ZFYVE28: variants seen among roughly 807,000 people sequenced by gnomAD.
ZFYVE28 encodes zinc finger FYVE-type containing 28.
Under a neutral mutation model 82.1 loss-of-function variants are expected in ZFYVE28, and 40 were observed. That is an observed-to-expected ratio of 0.49 (90% CI 0.38 to 0.63). The LOEUF (loss-of-function observed/expected upper bound fraction) is 0.63. ZFYVE28 is among the 30% of genes least tolerant of loss of function. The pLI is 0.00. For synonymous variants in ZFYVE28, 612 were observed against 546.1 expected (o/e 1.12, Z -1.68); for missense variants, 1,321 against 1,242.1 (o/e 1.06, Z -0.96).
chr4:2,344,606 A>G (rs192300537), intron 2 of ZFYVE28, among the ~76,000 whole-genome samples: 1 of 152,338 alleles, frequency 6.6e-6, no homozygotes, highest in East Asian at 1.9e-4. Context: ...TTAAAAAATT[A>G]CCAAGTTTGG....
chr4:2,400,605 A>C (rs960358497), intron 1 of ZFYVE28, among the ~76,000 whole-genome samples: 2 of 152,156 alleles, frequency 1.3e-5, no homozygotes, highest in African/African-American at 2.4e-5. Context: ...CACAATCACA[A>C]GGTCCCACAA....
chr4:2,386,402 G>A (rs530905311), intron 1 of ZFYVE28, among the ~76,000 whole-genome samples: 40 of 152,278 alleles, frequency 2.6e-4, no homozygotes, highest in East Asian at 9.7e-4. Context: ...GGAGAATGGC[G>A]TCAACAAAGG....
intron 1 of ZFYVE28, among the ~76,000 whole-genome samples, chr4:2,369,768 A>G (rs1380395358): frequency 6.6e-6 from 1 of 151,856 alleles, no homozygotes; most frequent in Non-Finnish European, 1.5e-5. Flanking sequence ...AGAGCCCCCA[A>G]AAGAAACCAG....
Position 2,339,687 on chromosome 4 carries a change from C to T in ZFYVE28, c.319-32G>A, listed in dbSNP as rs1223093671. Reference sequence around the variant, plus strand: ...GAGGGGACACACTCAGGGAGGGGCCCGGGTGAGGGCCAGGCTCTCAGGGGT... The same window carrying T: ...GAGGGGACACACTCAGGGAGGGGCCTGGGTGAGGGCCAGGCTCTCAGGGGT... On this transcript the variant is annotated intron_variant, in intron 3 of 12. Transcript: ENST00000290974. The surrounding 1 kb of genome is among the most constrained non-coding windows in gnomAD (Gnocchi z 5.0). 11 of 1,555,734 alleles carry T rather than the reference C, an allele frequency of 7.1e-6. No individual in the cohort carries two copies. Among genetic ancestry groups the T allele is most frequent in the East Asian group, 2.4e-5 (1 of 42,424 alleles).
rs35312512 is a variant in ZFYVE28 at position 2,403,971 on chromosome 4, GA to G, written c.39+14313del. Among the ~76,000 whole-genome samples the G allele has an allele frequency of 2.9e-4, 38 of 129,012 alleles. 2 individuals are homozygous for G. The highest frequency in any genetic ancestry group is 1.6e-3 in the South Asian group (6 of 3,840). The allele number at this position is 129,012 out of a possible 152,430, so 84.6% of individuals were successfully genotyped here. ...GTGACAAGAGCGAAACTCCATTTCGGAAAAAAAAAAAAAAAAAAAAGAATCA... is the reference window on the plus strand; with the variant it reads ...GTGACAAGAGCGAAACTCCATTTCGGAAAAAAAAAAAAAAAAAAAGAATCA... On this transcript the variant is annotated intron_variant, in intron 1 of 12. Coordinates refer to ENST00000290974, the MANE Select transcript of ZFYVE28 (RefSeq NM_020972.3).
intron 2 of ZFYVE28, among the ~76,000 whole-genome samples, chr4:2,352,128 G>A (rs1390469531): frequency 6.6e-6 from 1 of 152,172 alleles, no homozygotes; most frequent in South Asian, 2.1e-4. Flanking sequence ...TTGAAACAAT[G>A]CATGTATAAA....
rs553540609 is a variant in ZFYVE28, at chr4:2,350,388, T to C, written c.180+3545A>G. Among the ~76,000 whole-genome samples the C allele has an allele frequency of 6.5e-4, 98 of 151,030 alleles. 1 individual carries two copies. Among genetic ancestry groups the C allele is most frequent in the Admixed American group, 9.2e-4 (14 of 15,148 alleles). On this transcript the variant is annotated intron_variant, in intron 2 of 12. Coordinates refer to ENST00000290974, the MANE Select transcript of ZFYVE28 (RefSeq NM_020972.3). ...CTGAGGCAGGAGAATGGTGTGAACC[T>C]GGGAGGCGGAACTTGGACTGAGCCG...
intron 2 of ZFYVE28, among the ~76,000 whole-genome samples, chr4:2,348,737 A>G (rs1339564860): frequency 6.6e-6 from 1 of 152,226 alleles, no homozygotes; most frequent in Non-Finnish European, 1.5e-5. Context: ...ACTGTGAACC[A>G]TGGATATGGT....
rs559263100 is a variant in ZFYVE28 at position 2,280,971 on chromosome 4, C to A, written c.2052-6755G>T. 3.9e-4 allele frequency among the ~76,000 whole-genome samples: 59 copies of A among 152,322 alleles called. No homozygotes were observed. In the South Asian group the frequency reaches 0.012, roughly 31 times the overall value. On this transcript the variant is annotated intron_variant, in intron 8 of 12. Coordinates refer to ENST00000290974, the MANE Select transcript of ZFYVE28 (RefSeq NM_020972.3). ...GCATAAGAACAATGGCTTCTACCAG[C>A]AGGTTGAGACCGAGGCCAGGCCAAG...
chr4:2,339,643 C>T lies in ZFYVE28; in HGVS notation c.331G>A (p.Gly111Ser), dbSNP rs763087864. ...AGCTCCCGGTTCATGATGATGGAGC[C>T]GGCGGCCAGGCACTGCGGGAGGGGA... ...LWFGAECLAA[G>S]SIIMNRELES... Residue 111 changes from glycine to serine, a missense_variant, in exon 4 of 13, where the codon GGC becomes AGC. Transcript: ENST00000290974. The surrounding 1 kb of genome is among the most constrained non-coding windows in gnomAD (Gnocchi z 5.0). 2 of 1,601,976 alleles carry T rather than the reference C, an allele frequency of 1.2e-6. No individual in the cohort carries two copies. Among genetic ancestry groups the T allele is most frequent in the African/African-American group, 1.3e-5 (1 of 74,800 alleles).
chr4:2,304,554 C>A lies in ZFYVE28; in HGVS notation c.1786G>T (p.Ala596Ser), dbSNP rs143369777. Residue 596 changes from alanine to serine, a missense_variant, in exon 8 of 13, where the codon GCT becomes TCT. Around this residue, in one of 2 missense-constraint regions of ZFYVE28, gnomAD observed 978 missense variants for 833.7 expected, o/e 1.17. Coordinates refer to ENST00000290974, the MANE Select transcript of ZFYVE28 (RefSeq NM_020972.3). ...SPGGVIGASY[A>S]AGLAKASDRA... is the part of the protein sequence containing the mutation. ...TCGCTGGCCTTGGCTAAGCCGGCAG[C>A]GTACGAGGCACCAATGACGCCTCCC... is the stretch of plus-strand genomic sequence containing the variant. 6.2e-7 allele frequency: 1 copy of A among 1,612,758 alleles called. No individual in the cohort carries two copies. The highest frequency in any genetic ancestry group is 8.5e-7 in the Non-Finnish European group (1 of 1,179,916).
chr4:2,308,608 GAGAA>G lies in ZFYVE28; in HGVS notation c.804-3076_804-3073del, dbSNP rs1218812437. On this transcript the variant is annotated intron_variant, in intron 7 of 12. Transcript: ENST00000290974. ...AAGGAAGGAAGGAGAGACAGAGAGA[GAGAA>G]AGAAAGAAAGAAGACAGAAAGAAAG... Among the ~76,000 whole-genome samples, 10 of 99,734 alleles carry G rather than the reference GAGAA, an allele frequency of 1.0e-4. 1 individual carries two copies. In the South Asian group the frequency reaches 2.8e-3, roughly 28 times the overall value. The allele number at this position is 99,734 out of a possible 152,430, so 65.4% of individuals were successfully genotyped here.
Position 2,417,019 on chromosome 4 carries a change from G to A in ZFYVE28, c.39+1266C>T, listed in dbSNP as rs983513971. On this transcript the variant is annotated intron_variant, in intron 1 of 12. Coordinates refer to ENST00000290974, the MANE Select transcript of ZFYVE28 (RefSeq NM_020972.3). The surrounding 1 kb of genome is among the most constrained non-coding windows in gnomAD (Gnocchi z 4.8). Reference sequence around the variant, plus strand: ...CCTGGAATGGGCGCACGCGAGGCACGGATTTCAGGAAACCTCTGCCGTGAC... The same window carrying A: ...CCTGGAATGGGCGCACGCGAGGCACAGATTTCAGGAAACCTCTGCCGTGAC... Among the ~76,000 whole-genome samples the A allele has an allele frequency of 1.3e-5, 2 of 152,222 alleles. No individual in the cohort carries two copies. Among genetic ancestry groups the A allele is most frequent in the African/African-American group, 4.8e-5 (2 of 41,466 alleles).
rs190313794 is a variant in ZFYVE28, at chr4:2,291,103, A to G, written c.2051+13186T>C. Reference sequence around the variant, plus strand: ...TCGCCCTTCTCGTCTCGCACCTTGCAGGCGCTTTTGCTGCTTTAAAAAGCT... The same window carrying G: ...TCGCCCTTCTCGTCTCGCACCTTGCGGGCGCTTTTGCTGCTTTAAAAAGCT... On this transcript the variant is annotated intron_variant, in intron 8 of 12. Coordinates refer to ENST00000290974, the MANE Select transcript of ZFYVE28 (RefSeq NM_020972.3). Among the ~76,000 whole-genome samples, 108 of 152,324 alleles carry G rather than the reference A, an allele frequency of 7.1e-4. 1 individual carries two copies. The highest frequency in any genetic ancestry group is 1.4e-3 in the Non-Finnish European group (97 of 68,026).
At chr4:2,330,365 G>A (rs1401223582) in intron 6 of ZFYVE28, 11 of 999,852 alleles carry the variant, frequency 1.1e-5, no homozygotes, top group South Asian at 4.3e-5. Flanking sequence ...TGGGGACATC[G>A]CAGAGGGAGG....
At chr4:2,359,207 ACCTGACTTCATGATCTG>A (rs1269475522) in intron 1 of ZFYVE28, among the ~76,000 whole-genome samples, 2 of 150,802 alleles carry the variant, frequency 1.3e-5, no homozygotes, top group Non-Finnish European at 3.0e-5. Flanking sequence ...GGTCTCGATC[ACCTGACTTCATGATCTG>A]CCTGACTTAG....
Position 2,332,671 on chromosome 4 carries a change from G to C in ZFYVE28, c.701+3034C>G, listed in dbSNP as rs919920896. Among the ~76,000 whole-genome samples, 2 of 152,202 alleles carry C rather than the reference G, an allele frequency of 1.3e-5. No homozygotes were observed. Among genetic ancestry groups the C allele is most frequent in the Non-Finnish European group, 2.9e-5 (2 of 68,024 alleles). ...CCACGGGCAGCTGTGGCCTCTGCCT[G>C]TCCGGCTCAAAGCGGTCGCTGTGGA... On this transcript the variant is annotated intron_variant, in intron 6 of 12. Coordinates refer to ENST00000290974, the MANE Select transcript of ZFYVE28 (RefSeq NM_020972.3). The surrounding 1 kb of genome is among the most constrained non-coding windows in gnomAD (Gnocchi z 4.7).
At chr4:2,381,823 G>C (rs1728759573) in intron 1 of ZFYVE28, among the ~76,000 whole-genome samples, 3 of 152,240 alleles carry the variant, frequency 2.0e-5, no homozygotes, top group Non-Finnish European at 4.4e-5. Context: ...CTGGGAAAAT[G>C]TCTCCAAAGC....
Position 2,341,384 on chromosome 4 carries a change from C to T in ZFYVE28, c.318+94G>A, listed in dbSNP as rs531308670. 1.1e-4 allele frequency: 168 copies of T among 1,515,814 alleles called. No individual in the cohort carries two copies. In the Middle Eastern group the frequency reaches 1.4e-3, roughly 13 times the overall value. 93.9% of individuals were successfully genotyped at this position (1,515,814 alleles called of 1,614,324 possible). The stretch of plus-strand genomic sequence containing the variant: ...AGCTCTTGGAGGAGACACCAGGTCC[C>T]GGCACCTGCAGGCGCCCATGCACAA... On this transcript the variant is annotated intron_variant, in intron 3 of 12. Coordinates refer to ENST00000290974, the MANE Select transcript of ZFYVE28 (RefSeq NM_020972.3). The surrounding 1 kb of genome is among the most constrained non-coding windows in gnomAD (Gnocchi z 4.5).
Sources: gnomAD v4.1 joint callset for allele counts (sites outside exome capture counted in the v4.1 genomes callset) on GRCh38, gnomAD v4.1.1 for gene constraint, gnomAD v4.1.1 regional missense constraint, Gnocchi (gnomAD v3.1) non-coding constraint, MANE v1.5 for transcripts, NCBI Gene and HGNC (gene_info 2026-07-23, HGNC 2026-07-21) for gene names.